TMCC1: variants seen among roughly 807,000 people sequenced by gnomAD.
TMCC1 encodes transmembrane and coiled-coil domain family 1, also known as transmembrane and coiled-coil domains protein 1.
TMCC1 carries 15 observed loss-of-function variants against 52.4 expected under a neutral mutation model. The observed-to-expected ratio is 0.29, with a 90% confidence interval of 0.19 to 0.44. The LOEUF (loss-of-function observed/expected upper bound fraction) is 0.44, where lower values mean the gene tolerates loss of function less well. TMCC1 is among the 20% of genes least tolerant of loss of function. The probability of loss-of-function intolerance (pLI) is 1.00; values close to 1 mark genes in which losing one functional copy is unlikely to be tolerated. For missense variants in TMCC1, 503 were observed against 806.0 expected, an observed-to-expected ratio of 0.62 and a Z score of 4.55; for synonymous variants, 279 against 301.9, an observed-to-expected ratio of 0.92 and a Z score of 0.79.
At chr3:129,798,354 T>C (rs1272288326) in intron 4 of TMCC1, among the ~76,000 whole-genome samples, 2 of 151,914 alleles carry the variant, frequency 1.3e-5, no homozygotes, top group Non-Finnish European at 2.9e-5. Context: ...GCAGAGATAG[T>C]GAAACAGTAT....
chr3:129,764,027 T>C (rs896455642), intron 4 of TMCC1, among the ~76,000 whole-genome samples: 1 of 152,208 alleles, frequency 6.6e-6, no homozygotes, highest in Admixed American at 6.5e-5. Context: ...CTTAAGACTA[T>C]AGATATTACA....
intron 3 of TMCC1, among the ~76,000 whole-genome samples, chr3:129,829,661 C>T (rs1408578274): frequency 1.3e-5 from 2 of 152,056 alleles, no homozygotes; most frequent in Non-Finnish European, 2.9e-5. Context: ...TTTAAAACTC[C>T]CTACACTACC....
chr3:129,783,178 G>T (rs1044682643), intron 4 of TMCC1, among the ~76,000 whole-genome samples: 6 of 152,172 alleles, frequency 3.9e-5, no homozygotes, highest in African/African-American at 4.8e-5. Context: ...AATGACATAT[G>T]ATTCCTTTTA....
intron 5 of TMCC1, among the ~76,000 whole-genome samples, chr3:129,666,477 G>A (rs1268780396): frequency 1.3e-5 from 2 of 151,748 alleles, no homozygotes; most frequent in African/African-American, 4.8e-5. Flanking sequence ...GGTGGCTCAT[G>A]TCTGTAATCC....
intron 4 of TMCC1, among the ~76,000 whole-genome samples, chr3:129,779,940 A>G (rs2055382210): frequency 6.6e-6 from 1 of 152,182 alleles, no homozygotes; most frequent in South Asian, 2.1e-4. Flanking sequence ...CTTAGCTGCC[A>G]TGCCAGCAGA....
chr3:129,661,075 T>G (rs2086990010), intron 5 of TMCC1, among the ~76,000 whole-genome samples: 1 of 152,224 alleles, frequency 6.6e-6, no homozygotes, highest in Admixed American at 6.5e-5. Context: ...CATGGGAAAT[T>G]AACAGCAAGT....
At chr3:129,826,630 T>C (rs756126893) in intron 4 of TMCC1, among the ~76,000 whole-genome samples, 1 of 152,134 alleles carries the variant, frequency 6.6e-6, no homozygotes, top group Non-Finnish European at 1.5e-5. Context: ...ATTATCTATA[T>C]GTTTTAAATA....
intron 4 of TMCC1, among the ~76,000 whole-genome samples, chr3:129,674,996 C>T (rs191939817): frequency 6.6e-6 from 1 of 152,262 alleles, no homozygotes; most frequent in Non-Finnish European, 1.5e-5. Context: ...CGCCACCACA[C>T]CCAGCTATTT....
chr3:129,737,922 G>A (rs758285563), intron 4 of TMCC1, among the ~76,000 whole-genome samples: 2 of 152,092 alleles, frequency 1.3e-5, no homozygotes, highest in Non-Finnish European at 2.9e-5. Context: ...TGAGTCACAT[G>A]TCTTAGGGCA....
intron 4 of TMCC1, among the ~76,000 whole-genome samples, chr3:129,728,002 G>A (rs2050241166): frequency 6.6e-6 from 1 of 152,222 alleles, no homozygotes; most frequent in Non-Finnish European, 1.5e-5. Context: ...CAGCTAGCAT[G>A]TGAGTGAGGC....
chr3:129,881,379 A>G (rs1027261641), intron 1 of TMCC1, among the ~76,000 whole-genome samples: 3 of 152,212 alleles, frequency 2.0e-5, no homozygotes, highest in Admixed American at 2.0e-4. Context: ...GCAACGAATC[A>G]TAGATAAATA....
intron 4 of TMCC1, among the ~76,000 whole-genome samples, chr3:129,694,244 G>A (rs575286763): frequency 1.4e-4 from 21 of 152,334 alleles, no homozygotes; most frequent in African/African-American, 3.8e-4. Flanking sequence ...GAATCCTTAC[G>A]AAAACGTCCA....
chr3:129,778,983 T>C (rs2055288299), intron 4 of TMCC1, among the ~76,000 whole-genome samples: 1 of 152,122 alleles, frequency 6.6e-6, no homozygotes, highest in Middle Eastern at 3.2e-3. Flanking sequence ...AGGGGTTTTG[T>C]TTTGTAGTTT....
chr3:129,859,219 T>C (rs1300112325), intron 2 of TMCC1, among the ~76,000 whole-genome samples: 1 of 152,194 alleles, frequency 6.6e-6, no homozygotes, highest in Non-Finnish European at 1.5e-5. Flanking sequence ...TCACATTCCT[T>C]TTCACTATAG....
intron 4 of TMCC1, among the ~76,000 whole-genome samples, chr3:129,706,265 G>A (rs961090529): frequency 3.3e-5 from 5 of 151,848 alleles, no homozygotes; most frequent in African/African-American, 1.2e-4. Context: ...AGTGCAGTGC[G>A]CGATCTCGGC....
intron 3 of TMCC1, among the ~76,000 whole-genome samples, chr3:129,829,551 TAA>T (rs1032745173): frequency 1.3e-5 from 2 of 151,416 alleles, no homozygotes; most frequent in Admixed American, 6.6e-5. Context: ...TGCAAATATA[TAA>T]GACAAAATTA....
chr3:129,697,601 G>GT (rs761269163), intron 4 of TMCC1, among the ~76,000 whole-genome samples: 1 of 152,290 alleles, frequency 6.6e-6, no homozygotes, highest in Non-Finnish European at 1.5e-5. Context: ...CAGAAAACAG[G>GT]TTTTTCTTTT....
intron 4 of TMCC1, among the ~76,000 whole-genome samples, chr3:129,698,233 G>A (rs968695743): frequency 2.6e-5 from 4 of 152,272 alleles, no homozygotes; most frequent in South Asian, 2.1e-4. Context: ...GGTGGAAGGC[G>A]AAGGAGGAGC....
At chr3:129,855,851 G>A (rs2060126578) in intron 2 of TMCC1, among the ~76,000 whole-genome samples, 1 of 152,158 alleles carries the variant, frequency 6.6e-6, no homozygotes, top group African/African-American at 2.4e-5. Flanking sequence ...TAAATGAATG[G>A]AAAATGTAAG....
Sources: gnomAD v4.1 joint callset for allele counts (sites outside exome capture counted in the v4.1 genomes callset) on GRCh38, gnomAD v4.1.1 for gene constraint, MANE v1.5 for transcripts, NCBI Gene and HGNC (gene_info 2026-07-23, HGNC 2026-07-21) for gene names.